CUBN: variants seen among roughly 807,000 people sequenced by gnomAD.
CUBN encodes cubilin.
A neutral mutation model predicts 405.3 loss-of-function variants in CUBN; 282 were observed. That is an observed-to-expected ratio of 0.70 (90% CI 0.63 to 0.77). CUBN has a LOEUF of 0.77. CUBN is among the 30% of genes least tolerant of loss of function. CUBN has a pLI of 0.00. For synonymous variants in CUBN, 1,684 were observed against 1,617.0 expected (o/e 1.04, Z -0.99); for missense variants, 4,514 against 4,475.2 (o/e 1.01, Z -0.25).
In CUBN at chr10:16,952,379, G is replaced by A; in HGVS notation, c.4866C>T (p.Gly1622=). The A allele has an allele frequency of 6.2e-7, 1 of 1,607,762 alleles. No homozygotes were observed. Among genetic ancestry groups the A allele is most frequent in the Non-Finnish European group, 8.5e-7 (1 of 1,174,284 alleles). Residue 1622 remains glycine, a synonymous_variant, in exon 33 of 67, where the codon GGC becomes GGT. Coordinates refer to ENST00000377833, the MANE Select transcript of CUBN (RefSeq NM_001081.4). ...TATCAAATGAGCTGGTGAGGATGTG[G>A]CCTCCGCAGGCTGGGGAACACACAA... ...FRAQFRQACG[G]HILTSSFDTV...
In CUBN at chr10:16,874,481, G is replaced by C. The variant is rs770481888; in HGVS notation, c.9129C>G (p.Phe3043Leu). 6.2e-7 allele frequency: 1 copy of C among 1,614,000 alleles called. No homozygotes were observed. The highest frequency in any genetic ancestry group is 1.3e-5 in the African/African-American group (1 of 74,904). ...RIISCGGVFNFSSGIITSPAY... is the reference protein window; with the variant it reads ...RIISCGGVFNLSSGIITSPAY... ...CAGGACTTGTGATGATTCCAGAAGA[G>C]AAATTGAACACACCACCACAGGCTG... is the stretch of plus-strand genomic sequence containing the variant. Residue 3043 changes from phenylalanine to leucine, a missense_variant, in exon 58 of 67, where the codon TTC becomes TTG. Around this residue, in one of 5 missense-constraint regions of CUBN, gnomAD observed 1,186 missense variants for 1,186.9 expected, o/e 1.00. Coordinates refer to ENST00000377833, the MANE Select transcript of CUBN (RefSeq NM_001081.4).
Position 16,906,065 on chromosome 10 carries a change from G to T in CUBN, c.7912+138C>A, listed in dbSNP as rs58855822. The T allele has an allele frequency of 4.7e-3, 3,501 of 741,138 alleles. 76 individuals carry two copies. In the African/African-American group the frequency reaches 0.053, roughly 11 times the overall value. The allele number at this position is 741,138 out of a possible 1,614,324, so 45.9% of individuals were successfully genotyped here. On this transcript the variant is annotated intron_variant, in intron 50 of 66. Coordinates refer to ENST00000377833, the MANE Select transcript of CUBN (RefSeq NM_001081.4). ...GGAGGTTGAGGCTGCAGTGAGTTAT[G>T]ATCACACCACTGCACTCCAGTCCGG...
intron 28 of CUBN, among the ~76,000 whole-genome samples, chr10:16,991,251 T>A (rs1316606749): frequency 4.6e-5 from 7 of 152,198 alleles, no homozygotes; most frequent in Non-Finnish European, 7.3e-5. Context: ...CATATGGGCT[T>A]TCCATGTGTT....
At chr10:16,895,625 T>A (rs116868594) in intron 54 of CUBN, among the ~76,000 whole-genome samples, 2 of 152,208 alleles carry the variant, frequency 1.3e-5, no homozygotes, top group Middle Eastern at 3.2e-3. Context: ...GGTGGATTGA[T>A]CCTTTTATCA....
intron 55 of CUBN, 132 bp downstream of exon 55, chr10:16,890,239 G>C: frequency 1.2e-6 from 1 of 814,530 alleles, no homozygotes; most frequent in Non-Finnish European, 2.1e-6. Context: ...TGTCTTCTTG[G>C]GATTAGGTGA....
At chr10:16,934,597 G>A (rs1842449107) in intron 39 of CUBN, among the ~76,000 whole-genome samples, 1 of 152,120 alleles carries the variant, frequency 6.6e-6, no homozygotes, top group Non-Finnish European at 1.5e-5. Context: ...TAATGACTGT[G>A]GGTCATTAGT....
chr10:16,877,157 T>C lies in CUBN; in HGVS notation c.8906-60A>G, dbSNP rs1048870549. 5.6e-6 allele frequency: 8 copies of C among 1,432,836 alleles called. No homozygotes were observed. In the East Asian group the frequency reaches 2.0e-4, roughly 35 times the overall value. 88.8% of individuals were successfully genotyped at this position (1,432,836 alleles called of 1,614,324 possible). A position where few individuals can be genotyped will look rare whatever the true frequency, so the allele number is the denominator to read the frequency against. On this transcript the variant is annotated intron_variant, in intron 56 of 66. Coordinates refer to ENST00000377833, the MANE Select transcript of CUBN (RefSeq NM_001081.4). Reference sequence around the variant, plus strand: ...GAACCTACACAAACAATTAAGGCCATAAAAATAAAAACAAAAATGTGATGA... The same window carrying C: ...GAACCTACACAAACAATTAAGGCCACAAAAATAAAAACAAAAATGTGATGA...
intron 28 of CUBN, among the ~76,000 whole-genome samples, chr10:17,013,374 TTCTC>T (rs759016103): frequency 5.7e-4 from 86 of 151,806 alleles, no homozygotes; most frequent in East Asian, 4.1e-3. Context: ...TTCTCTTTCT[TTCTC>T]TTTCTCTCTG....
In CUBN at chr10:17,046,056, A is replaced by G. The variant is rs1418486566; in HGVS notation, c.3368T>C (p.Phe1123Ser). 6.2e-7 allele frequency: 1 copy of G among 1,613,894 alleles called. No individual in the cohort carries two copies. The highest frequency in any genetic ancestry group is 2.2e-5 in the East Asian group (1 of 44,848). ...TGTTGGGGGTAGATTTGAGCCATAG[A>G]ATATTCCCAGCAATGGTGATTTTTC... is the stretch of plus-strand genomic sequence containing the variant. ...GYEKSPLLGI[F>S]YGSNLPPTII... Residue 1123 changes from phenylalanine (F) to serine (S), a missense_variant, in exon 24 of 67, where the codon TTC becomes TCC. Phe to Ser is a radical substitution (Grantham distance 155, BLOSUM62 -2). Coordinates refer to ENST00000377833, the MANE Select transcript of CUBN (RefSeq NM_001081.4).
Position 16,913,994 on chromosome 10 carries a change from T to C in CUBN, c.7352-2A>G. The C allele has an allele frequency of 6.2e-7, 1 of 1,613,964 alleles. No individual in the cohort carries two copies. The highest frequency in any genetic ancestry group is 2.2e-5 in the East Asian group (1 of 44,882). The stretch of plus-strand genomic sequence containing the variant: ...AGCCCTGAAGATCCCCACCACACTC[T>C]GACGTGGGGAAAAAGCCAAGAAAAC... On this transcript the variant is annotated splice_acceptor_variant, in intron 47 of 66. Coordinates refer to ENST00000377833, the MANE Select transcript of CUBN (RefSeq NM_001081.4). LOFTEE classifies it high-confidence loss of function.
intron 28 of CUBN, among the ~76,000 whole-genome samples, chr10:17,015,627 T>A (rs73598154): frequency 6.6e-6 from 1 of 152,010 alleles, no homozygotes; most frequent in Non-Finnish European, 1.5e-5. Flanking sequence ...CGGGGCTCAA[T>A]AAGGGTCATA....
Position 16,877,014 on chromosome 10 carries a change from T to G in CUBN, c.8989A>C (p.Thr2997Pro), listed in dbSNP as rs1840526287. The change falls in exon 57 of 67, where the codon ACT becomes CCT. Residue 2997 changes from threonine to proline, a missense_variant. By Grantham distance (38) the Thr-to-Pro change is conservative. This residue lies in a region of CUBN where 1,186 missense variants were observed against 1,186.9 expected (regional missense o/e 1.00). Transcript: ENST00000377833. ...GYSVMSTPFA[T>P]VCGDEMPAPL... The stretch of plus-strand genomic sequence containing the variant: ...GCTGGCATCTCATCCCCACACACAG[T>G]AGCAAATGGGGTGGACATGACGCTG... 6.2e-7 allele frequency: 1 copy of G among 1,613,918 alleles called. No homozygotes were observed. The highest frequency in any genetic ancestry group is 1.7e-5 in the Admixed American group (1 of 59,980).
intron 31 of CUBN, among the ~76,000 whole-genome samples, chr10:16,979,759 T>C (rs1588544888): frequency 6.6e-6 from 1 of 152,174 alleles, no homozygotes; most frequent in Admixed American, 6.5e-5. Context: ...ACCCAGGCAA[T>C]ACCATTCAGG....
chr10:16,884,210 C>T (rs1564402371), intron 56 of CUBN, among the ~76,000 whole-genome samples: 1 of 152,160 alleles, frequency 6.6e-6, no homozygotes, highest in Admixed American at 6.5e-5. Flanking sequence ...TCTCGACCCC[C>T]TGACCTCATG....
intron 59 of CUBN, 73 bp downstream of exon 59, chr10:16,869,563 G>GT: frequency 1.0e-6 from 1 of 979,450 alleles, no homozygotes; most frequent in Non-Finnish European, 1.6e-6. Flanking sequence ...GGGGTGGGGG[G>GT]GGGGCGGGGA....
chr10:16,891,987 C>G (rs11818753), intron 54 of CUBN, among the ~76,000 whole-genome samples: 1 of 152,136 alleles, frequency 6.6e-6, no homozygotes, highest in African/African-American at 2.4e-5. Context: ...TCAACATTTT[C>G]TTCACATGGA....
intron 56 of CUBN, among the ~76,000 whole-genome samples, chr10:16,878,320 G>A (rs993971833): frequency 7.9e-5 from 12 of 151,930 alleles, no homozygotes; most frequent in Non-Finnish European, 1.3e-4. Context: ...ATTATGAAAG[G>A]AAAGGAAAAA....
intron 30 of CUBN, among the ~76,000 whole-genome samples, chr10:16,983,112 A>C (rs1156886462): frequency 6.6e-6 from 1 of 152,186 alleles, no homozygotes; most frequent in Non-Finnish European, 1.5e-5. Context: ...GTTTTTTAAA[A>C]TTCCTTTGAT....
chr10:16,916,538 A>G (rs540869275), intron 45 of CUBN, among the ~76,000 whole-genome samples: 2 of 152,282 alleles, frequency 1.3e-5, no homozygotes, highest in South Asian at 4.1e-4. Flanking sequence ...TTACTATTCA[A>G]TTATGTCTTA....
Sources: gnomAD v4.1 joint callset for allele counts (sites outside exome capture counted in the v4.1 genomes callset) on GRCh38, gnomAD v4.1.1 for gene constraint, gnomAD v4.1.1 regional missense constraint, MANE v1.5 for transcripts, NCBI Gene and HGNC (gene_info 2026-07-23, HGNC 2026-07-21) for gene names.